The following MTREX variants were observed in gnomAD, a reference collection of about 807,000 sequenced individuals.
MTREX encodes the protein exosome RNA helicase MTR4.
A neutral mutation model predicts 135.4 loss-of-function variants in MTREX; 76 were observed. That is an observed-to-expected ratio of 0.56 (90% CI 0.47 to 0.68). The LOEUF is 0.68. MTREX is among the 30% of genes least tolerant of loss of function. The pLI is 0.00. For missense variants in MTREX, 920 were observed against 1,262.1 expected, an observed-to-expected ratio of 0.73 and a Z score of 4.11; for synonymous variants, 404 against 401.6, an observed-to-expected ratio of 1.01 and a Z score of -0.07.
At position 55,378,344 on chromosome 5, in the gene MTREX, A is replaced by G; in HGVS notation, c.1841A>G (p.Lys614Arg). ...KVKNSEEQYN[K>R]IVIPNEESVV... Reference sequence around the variant, plus strand: ...AAGAATTCAGAAGAACAGTATAATAAAATAGTAATTCCCAATGAAGAAAGT... The same window carrying G: ...AAGAATTCAGAAGAACAGTATAATAGAATAGTAATTCCCAATGAAGAAAGT... Residue 614 changes from lysine to arginine, a missense_variant, in exon 17 of 27, where the codon AAA becomes AGA. Physicochemically the swap from Lys to Arg is conservative, Grantham distance 26. Transcript: ENST00000230640. 6.2e-7 allele frequency: 1 copy of G among 1,606,742 alleles called. No homozygotes were observed. Among genetic ancestry groups the G allele is most frequent in the Non-Finnish European group, 8.5e-7 (1 of 1,178,092 alleles).
intron 5 of MTREX, among the ~76,000 whole-genome samples, chr5:55,330,534 A>C (rs552486993): frequency 5.3e-5 from 8 of 150,958 alleles, no homozygotes; most frequent in African/African-American, 1.9e-4. Flanking sequence ...CAGTTACAAA[A>C]ACGTTAAATG....
intron 22 of MTREX, among the ~76,000 whole-genome samples, chr5:55,406,432 G>T (rs1465735638): frequency 6.6e-6 from 1 of 152,210 alleles, no homozygotes; most frequent in Non-Finnish European, 1.5e-5. Context: ...GCCTCAGGAT[G>T]CTTACATGGT....
chr5:55,414,043 A>C, intron 23 of MTREX, 139 bp from the exon 24 acceptor site: 1 of 532,950 alleles, frequency 1.9e-6, no homozygotes, highest in Non-Finnish European at 3.2e-6. Context: ...TTGATTAGAA[A>C]CTCTAAATGC....
rs960803781 is a variant in MTREX at position 55,354,890 on chromosome 5, C to G, written c.1533+1621C>G. Among the ~76,000 whole-genome samples the G allele has an allele frequency of 5.9e-5, 9 of 152,298 alleles. 1 individual carries two copies. The highest frequency in any genetic ancestry group is 4.6e-4 in the Admixed American group (7 of 15,298). On this transcript the variant is annotated intron_variant, in intron 14 of 26. Coordinates refer to ENST00000230640, the MANE Select transcript of MTREX (RefSeq NM_015360.5). ...ATGATTTCTAGTGGACAGCAGTCAA[C>G]CAACCGCACCCACCTCCCACAGGGA... is the stretch of plus-strand genomic sequence containing the variant.
At chr5:55,325,518 T>A (rs922371588) in intron 3 of MTREX, among the ~76,000 whole-genome samples, 7 of 151,562 alleles carry the variant, frequency 4.6e-5, no homozygotes, top group Admixed American at 1.3e-4. Context: ...TTTAATTTTT[T>A]TTTTTATTTT....
intron 3 of MTREX, among the ~76,000 whole-genome samples, chr5:55,325,945 CA>C (rs1333080401): frequency 6.6e-6 from 1 of 152,142 alleles, no homozygotes; most frequent in Non-Finnish European, 1.5e-5. Flanking sequence ...CTGCAAAGGA[CA>C]TGATTTCTAG....
intron 25 of MTREX, among the ~76,000 whole-genome samples, 178 bp downstream of exon 25, chr5:55,416,310 A>G (rs1276213889): frequency 6.6e-6 from 1 of 152,110 alleles, no homozygotes; most frequent in Non-Finnish European, 1.5e-5. Context: ...TTTAATAAGC[A>G]TAGTCTGTTC....
intron 5 of MTREX, among the ~76,000 whole-genome samples, chr5:55,336,030 A>G (rs1293748181): frequency 6.6e-6 from 1 of 152,070 alleles, no homozygotes; most frequent in Non-Finnish European, 1.5e-5. Flanking sequence ...ATTTTTTCTT[A>G]AGGTCATATT....
intron 21 of MTREX, 73 bp from the exon 22 acceptor site, chr5:55,405,352 A>T: frequency 2.3e-6 from 3 of 1,318,460 alleles, no homozygotes; most frequent in African/African-American, 3.0e-5. Flanking sequence ...TTTTTGTTTG[A>T]TTTCATGAAT....
At chr5:55,374,263 T>TA (rs1561201086) in intron 16 of MTREX, among the ~76,000 whole-genome samples, 1 of 140,632 alleles carries the variant, frequency 7.1e-6, no homozygotes, top group African/African-American at 2.8e-5. Flanking sequence ...TCAAAAAACA[T>TA]TTATATATAT....
At chr5:55,422,126 A>T (rs1482124346) in intron 25 of MTREX, among the ~76,000 whole-genome samples, 1 of 152,218 alleles carries the variant, frequency 6.6e-6, no homozygotes, top group Admixed American at 6.5e-5. Flanking sequence ...TTAAAAATGA[A>T]GTCAAGCGTT....
intron 16 of MTREX, 57 bp from the exon 17 acceptor site, chr5:55,378,257 G>T (rs1750338272): frequency 6.7e-7 from 1 of 1,491,784 alleles, no homozygotes; most frequent in Non-Finnish European, 8.9e-7. Context: ...TATGTCTTGG[G>T]TATAATTTAA....
intron 3 of MTREX, among the ~76,000 whole-genome samples, chr5:55,326,940 C>T (rs1172286593): frequency 1.3e-5 from 2 of 152,094 alleles, no homozygotes; most frequent in Admixed American, 6.6e-5. Flanking sequence ...CGAGTGAGAA[C>T]ATGGCAGTGT....
chr5:55,346,763 G>A lies in MTREX; in HGVS notation c.1109-250G>A, dbSNP rs550287779. On this transcript the variant is annotated intron_variant, in intron 10 of 26. Transcript: ENST00000230640. ...ATCTCCCCCCATTCTGTTTGAGGTT[G>A]TCTTTTTACTTTATTGATGGTATCC... 1.8e-3 allele frequency among the ~76,000 whole-genome samples: 273 copies of A among 152,146 alleles called. 2 individuals are homozygous for A. Among genetic ancestry groups the A allele is most frequent in the African/African-American group, 5.0e-3 (206 of 41,508 alleles).
At chr5:55,395,041 A>G (rs898754184) in intron 19 of MTREX, among the ~76,000 whole-genome samples, 3 of 151,834 alleles carry the variant, frequency 2.0e-5, no homozygotes, top group African/African-American at 7.3e-5. Context: ...TCAAAAAAAA[A>G]AAAGATAGTA....
intron 9 of MTREX, among the ~76,000 whole-genome samples, 197 bp downstream of exon 9, chr5:55,344,817 G>A (rs1749704070): frequency 6.6e-6 from 1 of 152,000 alleles, no homozygotes; most frequent in Admixed American, 6.6e-5. Flanking sequence ...TTTTTCTTAT[G>A]CATGAATCAG....
chr5:55,413,134 G>A (rs1750909640), intron 23 of MTREX, among the ~76,000 whole-genome samples: 1 of 151,870 alleles, frequency 6.6e-6, no homozygotes, highest in Admixed American at 6.6e-5. Context: ...GAGGTCAGGA[G>A]TCGACACCAG....
chr5:55,342,109 A>G (rs1749659014), intron 7 of MTREX, among the ~76,000 whole-genome samples: 1 of 152,110 alleles, frequency 6.6e-6, no homozygotes, highest in Non-Finnish European at 1.5e-5. Context: ...GGCGTCTCAC[A>G]ACGTTGAGCA....
rs1218470968 is a variant in MTREX, at chr5:55,358,528, A to G, written c.1534-45A>G. 2.0e-6 allele frequency: 3 copies of G among 1,496,670 alleles called. No homozygotes were observed. In the South Asian group the frequency reaches 3.9e-5, roughly 19 times the overall value. The allele number at this position is 1,496,670 out of a possible 1,614,324, so 92.7% of individuals were successfully genotyped here. On this transcript the variant is annotated intron_variant, in intron 14 of 26. Transcript: ENST00000230640. ...GAGAAATTTTAAGAATATGTTTTTTACCAGTTTTTTTCCTAAACTCTGAAT... is the reference window on the plus strand; with the variant it reads ...GAGAAATTTTAAGAATATGTTTTTTGCCAGTTTTTTTCCTAAACTCTGAAT...
Sources: gnomAD v4.1 joint callset for allele counts (sites outside exome capture counted in the v4.1 genomes callset) on GRCh38, gnomAD v4.1.1 for gene constraint, MANE v1.5 for transcripts, NCBI Gene and HGNC (gene_info 2026-07-23, HGNC 2026-07-21) for gene names.